Variants in ZFAND3 observed in about 807,000 individuals in gnomAD.
The protein encoded by ZFAND3 is zinc finger AN1-type containing 3, also known as AN1-type zinc finger protein 3.
Under a neutral mutation model 29.6 loss-of-function variants are expected in ZFAND3, and 10 were observed. The observed-to-expected ratio is 0.34, with a 90% CI of 0.21 to 0.57. ZFAND3 has a LOEUF of 0.57. ZFAND3 is among the 20% of genes least tolerant of loss of function. ZFAND3 has a pLI of 0.86. For synonymous variants in ZFAND3, 128 were observed against 112.6 expected, an observed-to-expected ratio of 1.14 and a Z score of -0.87; for missense variants, 230 against 304.5, an observed-to-expected ratio of 0.76 and a Z score of 1.82.
intron 5 of ZFAND3, among the ~76,000 whole-genome samples, chr6:38,142,644 A>G (rs1223132786): frequency 2.6e-5 from 4 of 152,198 alleles, no homozygotes; most frequent in African/African-American, 9.7e-5. Flanking sequence ...TTCCCAAAAC[A>G]GAAGTTTCGT....
chr6:38,055,715 C>T (rs752313051), intron 2 of ZFAND3, among the ~76,000 whole-genome samples: 1 of 152,194 alleles, frequency 6.6e-6, no homozygotes, highest in Non-Finnish European at 1.5e-5. Context: ...AATTTCTCAT[C>T]TCTACTTACT....
chr6:38,096,387 G>A (rs1041662264), intron 4 of ZFAND3, among the ~76,000 whole-genome samples: 2 of 152,100 alleles, frequency 1.3e-5, no homozygotes, highest in Non-Finnish European at 2.9e-5. Flanking sequence ...TGGCCAGGCT[G>A]ATCTCGAACT....
intron 2 of ZFAND3, among the ~76,000 whole-genome samples, chr6:38,030,058 A>ATATG (rs1288888578): frequency 7.3e-3 from 20 of 2,734 alleles, no homozygotes; most frequent in African/African-American, 0.016. Context: ...CTGGATATAT[A>ATATG]TATATATATA....
intron 4 of ZFAND3, among the ~76,000 whole-genome samples, chr6:38,107,956 G>T (rs1581923953): frequency 6.6e-6 from 1 of 151,366 alleles, no homozygotes; most frequent in African/African-American, 2.4e-5. Flanking sequence ...CACGTTATTT[G>T]AATGAATGAA....
chr6:37,976,507 C>A (rs1472495349), intron 2 of ZFAND3, among the ~76,000 whole-genome samples: 1 of 150,818 alleles, frequency 6.6e-6, no homozygotes, highest in African/African-American at 2.4e-5. Flanking sequence ...TCACTTGAGC[C>A]CCGGAAGTAG....
At chr6:37,908,529 TAAAA>T (rs71542146) in intron 1 of ZFAND3, among the ~76,000 whole-genome samples, 2 of 83,048 alleles carry the variant, frequency 2.4e-5, no homozygotes, top group Non-Finnish European at 5.4e-5. Flanking sequence ...AAAGTATAAT[TAAAA>T]AAAAAAATTA....
chr6:38,122,025 T>C (rs1765544335), intron 5 of ZFAND3, among the ~76,000 whole-genome samples: 1 of 152,228 alleles, frequency 6.6e-6, no homozygotes, highest in Non-Finnish European at 1.5e-5. Context: ...TATTTGGCAC[T>C]CAGCATTCTT....
intron 1 of ZFAND3, among the ~76,000 whole-genome samples, chr6:37,845,329 A>AT (rs899239691): frequency 6.5e-4 from 96 of 148,116 alleles, no homozygotes; most frequent in Non-Finnish European, 1.1e-3. Context: ...TATCACTCAC[A>AT]TTTTTTTTTT....
At chr6:37,970,552 G>C (rs923030702) in intron 2 of ZFAND3, among the ~76,000 whole-genome samples, 1 of 152,104 alleles carries the variant, frequency 6.6e-6, no homozygotes, top group African/African-American at 2.4e-5. Flanking sequence ...TTCAGGACAA[G>C]AAACAGAAAG....
chr6:37,894,881 T>G (rs1003706934), intron 1 of ZFAND3, among the ~76,000 whole-genome samples: 7 of 152,220 alleles, frequency 4.6e-5, no homozygotes, highest in African/African-American at 1.4e-4. Context: ...TGTCCTTATC[T>G]TCTTTCGTTT....
intron 2 of ZFAND3, among the ~76,000 whole-genome samples, chr6:38,041,394 A>G (rs1303904629): frequency 6.6e-6 from 1 of 152,066 alleles, no homozygotes; most frequent in African/African-American, 2.4e-5. Flanking sequence ...TGTTAACTGC[A>G]TAATTTCTTC....
chr6:37,843,202 C>T (rs1365023028), intron 1 of ZFAND3, among the ~76,000 whole-genome samples: 2 of 151,698 alleles, frequency 1.3e-5, no homozygotes, highest in African/African-American at 4.8e-5. Flanking sequence ...TTAAGTGTTC[C>T]TGGCTGAGTG....
chr6:38,064,831 T>A (rs1039247702), intron 3 of ZFAND3, among the ~76,000 whole-genome samples: 1 of 152,202 alleles, frequency 6.6e-6, no homozygotes, highest in Non-Finnish European at 1.5e-5. Flanking sequence ...CTTTCCTAAT[T>A]CCTCAAGTTT....
intron 2 of ZFAND3, among the ~76,000 whole-genome samples, chr6:37,966,680 A>G (rs1479039662): frequency 6.6e-6 from 1 of 152,202 alleles, no homozygotes; most frequent in Non-Finnish European, 1.5e-5. Flanking sequence ...ACTCCCAAAT[A>G]CTTTAGTGTT....
chr6:38,121,052 T>C (rs1765524118), intron 5 of ZFAND3, among the ~76,000 whole-genome samples: 1 of 152,220 alleles, frequency 6.6e-6, no homozygotes, highest in African/African-American at 2.4e-5. Flanking sequence ...TCTAAATCTG[T>C]GGCTTCAAGC....
intron 5 of ZFAND3, among the ~76,000 whole-genome samples, chr6:38,121,523 T>C (rs1023070908): frequency 3.3e-5 from 5 of 152,256 alleles, no homozygotes; most frequent in African/African-American, 1.2e-4. Flanking sequence ...TGGAATGTTT[T>C]CACAGCCTTT....
intron 1 of ZFAND3, among the ~76,000 whole-genome samples, chr6:37,830,238 A>G (rs1439984509): frequency 6.6e-6 from 1 of 152,166 alleles, no homozygotes; most frequent in Non-Finnish European, 1.5e-5. Context: ...AAGGTGGTCA[A>G]AGGGGAAGAC....
intron 1 of ZFAND3, among the ~76,000 whole-genome samples, chr6:37,903,235 A>G (rs1212740379): frequency 1.3e-5 from 2 of 152,160 alleles, no homozygotes; most frequent in East Asian, 1.9e-4. Context: ...AAATCCTATA[A>G]TTTAAGGTGT....
At chr6:38,082,574 G>A (rs774371309) in intron 4 of ZFAND3, 117 bp downstream of exon 4, 4 of 914,616 alleles carry the variant, frequency 4.4e-6, no homozygotes, top group East Asian at 2.7e-5. Flanking sequence ...TCAGTTGTGA[G>A]GTGATATGTG....
Sources: gnomAD v4.1 joint callset for allele counts (sites outside exome capture counted in the v4.1 genomes callset) on GRCh38, gnomAD v4.1.1 for gene constraint, MANE v1.5 for transcripts, NCBI Gene and HGNC (gene_info 2026-07-23, HGNC 2026-07-21) for gene names.